ALOX5AP: variants seen among roughly 807,000 people sequenced by gnomAD.
ALOX5AP encodes the protein arachidonate 5-lipoxygenase activating protein, also known as arachidonate 5-lipoxygenase-activating protein.
Under a neutral mutation model 18.5 loss-of-function variants are expected in ALOX5AP, and 9 were observed. That is an observed-to-expected ratio of 0.49 (90% CI 0.29 to 0.85). The LOEUF (loss-of-function observed/expected upper bound fraction) is 0.85. Ranked by LOEUF, ALOX5AP falls within the 40% of genes least tolerant of loss-of-function variation. ALOX5AP has a pLI of 0.08. For missense variants in ALOX5AP, 172 were observed against 202.5 expected (o/e 0.85, Z 0.91); for synonymous variants, 81 against 78.6 (o/e 1.03, Z -0.16).
intron 1 of ALOX5AP, among the ~76,000 whole-genome samples, chr13:30,725,773 C>T (rs932859419): frequency 1.3e-5 from 2 of 152,136 alleles, no homozygotes; most frequent in Admixed American, 6.5e-5. Context: ...TGCTTCTGAC[C>T]AAGGAAGTAA....
chr13:30,758,222 G>A (rs1377875335), intron 4 of ALOX5AP, among the ~76,000 whole-genome samples: 2 of 152,150 alleles, frequency 1.3e-5, no homozygotes, highest in Admixed American at 6.5e-5. Flanking sequence ...GGGCTTTATG[G>A]TTAAATGCAA....
At chr13:30,737,656 G>A (rs1319514958) in intron 1 of ALOX5AP, among the ~76,000 whole-genome samples, 2 of 152,102 alleles carry the variant, frequency 1.3e-5, no homozygotes, top group African/African-American at 2.4e-5. Context: ...CTAATTTTTT[G>A]GGCTGGAGTG....
At chr13:30,756,636 C>A (rs1449321017) in intron 4 of ALOX5AP, among the ~76,000 whole-genome samples, 2 of 151,820 alleles carry the variant, frequency 1.3e-5, no homozygotes, top group East Asian at 3.9e-4. Context: ...TGGTGAAACC[C>A]CGTCTCTACT....
At chr13:30,760,363 T>A (rs1566090086) in intron 4 of ALOX5AP, among the ~76,000 whole-genome samples, 1 of 152,074 alleles carries the variant, frequency 6.6e-6, no homozygotes. Context: ...CCCAAAGTGC[T>A]GGGATTATAG....
At chr13:30,737,582 C>T (rs907562414) in intron 1 of ALOX5AP, among the ~76,000 whole-genome samples, 16 of 152,122 alleles carry the variant, frequency 1.1e-4, no homozygotes, top group Admixed American at 5.9e-4. Context: ...ACAGAGTTCC[C>T]GGAAGTGATG....
At chr13:30,759,993 G>C (rs758831337) in intron 4 of ALOX5AP, among the ~76,000 whole-genome samples, 1 of 152,158 alleles carries the variant, frequency 6.6e-6, no homozygotes, top group African/African-American at 2.4e-5. Context: ...ATCGCTGAAG[G>C]CTGTTCACTT....
chr13:30,757,832 T>C (rs1023088094), intron 4 of ALOX5AP, among the ~76,000 whole-genome samples: 2 of 152,146 alleles, frequency 1.3e-5, no homozygotes, highest in Non-Finnish European at 2.9e-5. Context: ...AAATAAACAA[T>C]AGGAGATTGA....
chr13:30,724,598 C>A (rs1951622935), intron 1 of ALOX5AP, among the ~76,000 whole-genome samples: 1 of 152,170 alleles, frequency 6.6e-6, no homozygotes, highest in South Asian at 2.1e-4. Flanking sequence ...AGCATAGCAC[C>A]TAATGATTTG....
At chr13:30,735,322 C>T (rs925232565), upstream of ALOX5AP, among the ~76,000 whole-genome samples, 3 of 151,238 alleles carry the variant, frequency 2.0e-5, no homozygotes, top group Non-Finnish European at 4.4e-5. Context: ...AGGGAAGTTT[C>T]CCATGACAAG....
chr13:30,758,155 G>T lies in ALOX5AP; in HGVS notation c.323+2130G>T, dbSNP rs370791804. On this transcript the variant is annotated intron_variant, in intron 4 of 4. Coordinates refer to ENST00000380490, the MANE Select transcript of ALOX5AP (RefSeq NM_001629.4). ...TAAGTAGAAGTAATAGATACTAGAA[G>T]AAATGTCTAAGCCTAATCTAGACCA... is the stretch of plus-strand genomic sequence containing the variant. Among the ~76,000 whole-genome samples, 42 of 152,336 alleles carry T rather than the reference G, an allele frequency of 2.8e-4. 1 individual carries two copies. In the South Asian group the frequency reaches 7.2e-3, roughly 26 times the overall value.
At chr13:30,752,563 G>C (rs1951861144) in intron 3 of ALOX5AP, among the ~76,000 whole-genome samples, 1 of 152,308 alleles carries the variant, frequency 6.6e-6, no homozygotes, top group African/African-American at 2.4e-5. Flanking sequence ...CACATCCCCG[G>C]CCTTCCCACA....
At chr13:30,731,380 T>A (rs572234250), upstream of ALOX5AP, among the ~76,000 whole-genome samples, 2 of 151,918 alleles carry the variant, frequency 1.3e-5, no homozygotes, top group African/African-American at 4.8e-5. Flanking sequence ...ACCACATTTT[T>A]TTTTTTTTTT....
At chr13:30,722,532 A>G (rs1353543306) in intron 1 of ALOX5AP, among the ~76,000 whole-genome samples, 2 of 152,214 alleles carry the variant, frequency 1.3e-5, no homozygotes, top group Non-Finnish European at 2.9e-5. Flanking sequence ...CTCAGTAAGT[A>G]TTTGTTGAAT....
intron 1 of ALOX5AP, among the ~76,000 whole-genome samples, chr13:30,725,941 C>T (rs994357911): frequency 1.5e-4 from 23 of 152,160 alleles, no homozygotes; most frequent in African/African-American, 5.6e-4. Context: ...GGGTTATGTC[C>T]TGCAGGATGC....
intron 4 of ALOX5AP, among the ~76,000 whole-genome samples, chr13:30,759,384 C>T (rs573207327): frequency 6.6e-6 from 1 of 152,124 alleles, no homozygotes; most frequent in Non-Finnish European, 1.5e-5. Flanking sequence ...CAGGTTACCC[C>T]ACTCCTCCTC....
At chr13:30,722,306 G>A (rs1951600268) in intron 1 of ALOX5AP, among the ~76,000 whole-genome samples, 1 of 152,220 alleles carries the variant, frequency 6.6e-6, no homozygotes, top group African/African-American at 2.4e-5. Flanking sequence ...GAAGAAAGAA[G>A]GCACCTATGT....
chr13:30,720,977 C>G, intron 1 of ALOX5AP, among the ~76,000 whole-genome samples: 1 of 152,106 alleles, frequency 6.6e-6, no homozygotes, highest in Non-Finnish European at 1.5e-5. Flanking sequence ...GTAATTCAGT[C>G]CCAAGATGAG....
At chr13:30,746,267 C>T (rs1375017019) in intron 2 of ALOX5AP, among the ~76,000 whole-genome samples, 1 of 152,222 alleles carries the variant, frequency 6.6e-6, no homozygotes, top group Non-Finnish European at 1.5e-5. Context: ...GCTGCTTGGG[C>T]ATCCCCACCG....
intron 1 of ALOX5AP, among the ~76,000 whole-genome samples, chr13:30,737,193 G>T (rs1047392789): frequency 6.6e-5 from 10 of 152,212 alleles, no homozygotes; most frequent in Non-Finnish European, 1.5e-4. Context: ...TGTGCAGTTG[G>T]GGCTGAACCC....
Sources: allele counts gnomAD v4.1 joint callset (sites outside exome capture counted in the v4.1 genomes callset), GRCh38; gene constraint gnomAD v4.1.1; transcripts MANE v1.5; gene names NCBI Gene and HGNC (gene_info 2026-07-23, HGNC 2026-07-21).